SLC45A4: variants seen among roughly 807,000 people sequenced by gnomAD.
The protein encoded by SLC45A4 is solute carrier family 45 member 4.
A neutral mutation model predicts 63.7 loss-of-function variants in SLC45A4; 32 were observed. The observed-to-expected ratio is 0.50, with a 90% CI of 0.38 to 0.67. The LOEUF (loss-of-function observed/expected upper bound fraction) is 0.67. Ranked by LOEUF, SLC45A4 falls within the 30% of genes least tolerant of loss-of-function variation. The pLI is 0.00. For synonymous variants in SLC45A4, 535 were observed against 510.0 expected (o/e 1.05, Z -0.66); for missense variants, 1,027 against 1,157.7 (o/e 0.89, Z 1.64).
At chr8:141,216,393 C>T (rs1441901393) in intron 6 of SLC45A4, among the ~76,000 whole-genome samples, 3 of 152,200 alleles carry the variant, frequency 2.0e-5, no homozygotes, top group Admixed American at 6.5e-5. Context: ...TCATGGGCAC[C>T]GCTCTGTTCT....
intron 1 of SLC45A4, among the ~76,000 whole-genome samples, chr8:141,260,849 G>C (rs1459167634): frequency 2.0e-5 from 3 of 152,188 alleles, no homozygotes; most frequent in Non-Finnish European, 4.4e-5. Context: ...AATAGAAAAA[G>C]AGGGAATCCT....
At chr8:141,224,676 T>A (rs1218883342) in intron 2 of SLC45A4, 1 of 152,330 alleles carries the variant, frequency 6.6e-6, no homozygotes, top group African/African-American at 2.4e-5. Context: ...GGTCTCAAAC[T>A]TCTGAGCTCA....
chr8:141,233,173 A>C (rs1205681001), intron 2 of SLC45A4, among the ~76,000 whole-genome samples: 1 of 152,214 alleles, frequency 6.6e-6, no homozygotes, highest in Non-Finnish European at 1.5e-5. Context: ...TGAAAATTTA[A>C]GCTGGCTCTC....
chr8:141,217,196 C>T lies in SLC45A4; in HGVS notation c.1630-7G>A, dbSNP rs376921351. 3.7e-6 allele frequency: 6 copies of T among 1,613,152 alleles called. No individual in the cohort carries two copies. Among genetic ancestry groups the T allele is most frequent in the Non-Finnish European group, 5.1e-6 (6 of 1,179,888 alleles). ...CGGTCGAGTTCGAGGGGGCCTGTTC[C>T]GGAAATGAGACGGGGGCTGACGAGG... is the stretch of plus-strand genomic sequence containing the variant. On this transcript the variant is annotated splice_polypyrimidine_tract_variant and splice_region_variant and intron_variant, in intron 5 of 8. Coordinates refer to ENST00000517878, the MANE Select transcript of SLC45A4 (RefSeq NM_001286646.2).
intron 1 of SLC45A4, among the ~76,000 whole-genome samples, chr8:141,281,944 C>A (rs182248548): frequency 6.6e-6 from 1 of 151,824 alleles, no homozygotes; most frequent in South Asian, 2.1e-4. Context: ...AACGCCAGGA[C>A]GCGTGGTGGC....
intron 1 of SLC45A4, among the ~76,000 whole-genome samples, chr8:141,267,067 G>C (rs1471607990): frequency 6.6e-6 from 1 of 152,276 alleles, no homozygotes; most frequent in Non-Finnish European, 1.5e-5. Context: ...TGAACTGCGG[G>C]GGCTGGCAGG....
At chr8:141,292,151 G>A (rs934042377) in intron 1 of SLC45A4, among the ~76,000 whole-genome samples, 6 of 152,206 alleles carry the variant, frequency 3.9e-5, no homozygotes, top group Non-Finnish European at 5.9e-5. Context: ...AGCTGCACAC[G>A]GCAGACAAGC....
chr8:141,266,942 A>G (rs944471423), intron 1 of SLC45A4, among the ~76,000 whole-genome samples: 2 of 152,218 alleles, frequency 1.3e-5, no homozygotes, highest in African/African-American at 4.8e-5. Flanking sequence ...TTTTCTAACA[A>G]TTTGTGGTAC....
intron 1 of SLC45A4, among the ~76,000 whole-genome samples, chr8:141,271,193 G>A (rs78936870): frequency 0.011 from 1,655 of 152,332 alleles, 43 homozygotes; most frequent in African/African-American, 0.038. Context: ...CTTACTGGAA[G>A]AGCTCCCAGA....
At chr8:141,292,433 T>C (rs1455621949) in intron 1 of SLC45A4, among the ~76,000 whole-genome samples, 1 of 152,242 alleles carries the variant, frequency 6.6e-6, no homozygotes, top group African/African-American at 2.4e-5. Context: ...AAGGAGGCCG[T>C]GGAGCACAGA....
intron 1 of SLC45A4, among the ~76,000 whole-genome samples, chr8:141,288,488 G>A (rs1053791412): frequency 6.6e-6 from 1 of 152,240 alleles, no homozygotes; most frequent in Non-Finnish European, 1.5e-5. Flanking sequence ...TGGGGACCAC[G>A]CCTGGTTGGA....
Position 141,256,539 on chromosome 8 carries a change from A to G in SLC45A4, c.-400-1910T>C. The G allele has an allele frequency of 2.2e-6, 1 of 456,194 alleles. No homozygotes were observed. The highest frequency in any genetic ancestry group is 1.5e-5 in the South Asian group (1 of 64,568). The allele number at this position is 456,194 out of a possible 1,614,324, so 28.3% of individuals were successfully genotyped here. A position where few individuals can be genotyped will look rare whatever the true frequency, so the allele number is the denominator to read the frequency against. ...CCCTGGCACGTGGGCCCCAGGAGGG[A>G]GAAGACTCCGCTGTACAGGAGGTTC... is the stretch of plus-strand genomic sequence containing the variant. On this transcript the variant is annotated intron_variant, in intron 1 of 8. Transcript: ENST00000517878. The surrounding 1 kb of genome is among the most constrained non-coding windows in gnomAD (Gnocchi z 4.3).
chr8:141,240,057 C>G (rs1048074779), intron 2 of SLC45A4, among the ~76,000 whole-genome samples: 2 of 152,196 alleles, frequency 1.3e-5, no homozygotes, highest in Admixed American at 6.5e-5. Flanking sequence ...TCGATTCACA[C>G]GAAACGACAA....
chr8:141,243,569 TAGG>T (rs1454709723), intron 2 of SLC45A4, among the ~76,000 whole-genome samples: 1 of 152,094 alleles, frequency 6.6e-6, no homozygotes, highest in Non-Finnish European at 1.5e-5. Context: ...GGCTTGAGCC[TAGG>T]AGGTCAAGGC....
In SLC45A4 at chr8:141,211,365, G is replaced by C. The variant is rs541574376; in HGVS notation, c.*207C>G. On this transcript the variant is annotated 3_prime_UTR_variant, in exon 9 of 9. Transcript: ENST00000517878. Reference sequence around the variant, plus strand: ...CACTCACACGCGCACGCAGGAGCTCGTCTGGAGCTCACGCTCCGCCCCCAG... The same window carrying C: ...CACTCACACGCGCACGCAGGAGCTCCTCTGGAGCTCACGCTCCGCCCCCAG... 4 of 1,458,572 alleles carry C rather than the reference G, an allele frequency of 2.7e-6. No homozygotes were observed. Among genetic ancestry groups the C allele is most frequent in the South Asian group, 2.9e-5 (2 of 69,246 alleles). The allele number at this position is 1,458,572 out of a possible 1,614,324, so 90.4% of individuals were successfully genotyped here.
At chr8:141,286,799 C>G (rs1830165311) in intron 1 of SLC45A4, among the ~76,000 whole-genome samples, 1 of 150,970 alleles carries the variant, frequency 6.6e-6, no homozygotes, top group South Asian at 2.1e-4. Context: ...CCATCTTCCC[C>G]CAGTTAAGTT....
chr8:141,305,931 T>C (rs1329723356), intron 1 of SLC45A4, among the ~76,000 whole-genome samples: 1 of 152,162 alleles, frequency 6.6e-6, no homozygotes, highest in African/African-American at 2.4e-5. Context: ...TCTCCTTCCC[T>C]GCAGATCTGC....
chr8:141,218,988 A>T lies in SLC45A4; in HGVS notation c.652T>A (p.Trp218Arg), dbSNP rs754441731. The change falls in exon 5 of 9, where the codon TGG (tryptophan) becomes AGG (arginine). Residue 218 changes from tryptophan to arginine, a missense_variant. Trp to Arg is a moderately radical substitution (Grantham distance 101). Transcript: ENST00000517878. ...CAGCTGCCCAGGAAGGTCTGGGTCC[A>T]GTCCAGCCCACCCAGCACGTAGCCG... ...AIGYVLGGLD[W>R]TQTFLGSWFR... 1.9e-6 allele frequency: 3 copies of T among 1,613,242 alleles called. No individual in the cohort carries two copies. In the South Asian group the frequency reaches 3.3e-5, roughly 18 times the overall value.
chr8:141,242,865 T>C (rs1827983622), intron 2 of SLC45A4, among the ~76,000 whole-genome samples: 1 of 152,144 alleles, frequency 6.6e-6, no homozygotes, highest in Admixed American at 6.5e-5. Flanking sequence ...TGGACCTGAA[T>C]GTGTATCCCA....
Sources: allele counts gnomAD v4.1 joint callset (sites outside exome capture counted in the v4.1 genomes callset), GRCh38; gene constraint gnomAD v4.1.1; non-coding constraint Gnocchi (gnomAD v3.1); transcripts MANE v1.5; gene names NCBI Gene and HGNC (gene_info 2026-07-23, HGNC 2026-07-21).